Variants in DCBLD2 observed in about 807,000 individuals in gnomAD.
DCBLD2 encodes discoidin, CUB and LCCL domain-containing protein 2.
In DCBLD2, 54 loss-of-function variants were observed where a neutral mutation model predicts 86.8. The ratio of observed to expected loss-of-function variants is 0.62; its 90% confidence interval spans 0.50 to 0.78. The LOEUF is 0.78. DCBLD2 is among the 30% of genes least tolerant of loss of function. DCBLD2 has a pLI of 0.00. For missense variants in DCBLD2, 908 were observed against 954.2 expected (o/e 0.95, Z 0.64); for synonymous variants, 354 against 341.3 (o/e 1.04, Z -0.41).
intron 2 of DCBLD2, among the ~76,000 whole-genome samples, chr3:98,861,863 A>T (rs1943050178): frequency 6.6e-6 from 1 of 152,214 alleles, no homozygotes; most frequent in Non-Finnish European, 1.5e-5. Context: ...GAAGGCAAGA[A>T]ATAACTAAGA....
At chr3:98,829,212 G>A (rs1044230402) in intron 3 of DCBLD2, among the ~76,000 whole-genome samples, 2 of 151,958 alleles carry the variant, frequency 1.3e-5, no homozygotes, top group African/African-American at 4.8e-5. Context: ...TGTTACATAG[G>A]TATACTGCAT....
At position 98,799,515 on chromosome 3, in the gene DCBLD2, G is replaced by T. The variant is rs200981832; in HGVS notation, c.2185C>A (p.Gln729Lys). 112 of 1,613,978 alleles carry T rather than the reference G, an allele frequency of 6.9e-5. No individual in the cohort carries two copies. In the African/African-American group the frequency reaches 1.4e-3, roughly 20 times the overall value. The change falls in exon 16 of 16, where the codon CAG (glutamine) becomes AAG (lysine). Residue 729 changes from glutamine to lysine, a missense_variant. Around this residue, in one of 3 missense-constraint regions of DCBLD2, gnomAD observed 606 missense variants for 678.5 expected, o/e 0.89. Coordinates refer to ENST00000326840, the MANE Select transcript of DCBLD2 (RefSeq NM_080927.4). ...GCTTTCGGGGTATCATACTGGGCCTGGGCTGAGGAGCAGCTGTCAGTCCTG... is the reference window on the plus strand; with the variant it reads ...GCTTTCGGGGTATCATACTGGGCCTTGGCTGAGGAGCAGCTGTCAGTCCTG... ...LSRTDSCSSAQAQYDTPKAGK... is the reference protein window; with the variant it reads ...LSRTDSCSSAKAQYDTPKAGK...
chr3:98,799,968 T>A, intron 15 of DCBLD2, 127 bp from the exon 16 acceptor site: 1 of 737,644 alleles, frequency 1.4e-6, no homozygotes, highest in Non-Finnish European at 2.1e-6. Context: ...CATCAATACT[T>A]AATCTGTAAG....
At chr3:98,897,754 C>T (rs1199169046) in intron 1 of DCBLD2, among the ~76,000 whole-genome samples, 2 of 152,120 alleles carry the variant, frequency 1.3e-5, no homozygotes, top group South Asian at 2.1e-4. Flanking sequence ...TTAATAGGCC[C>T]AAACAAATCA....
chr3:98,885,191 G>A (rs2107525631), intron 1 of DCBLD2, among the ~76,000 whole-genome samples: 1 of 152,142 alleles, frequency 6.6e-6, no homozygotes, highest in East Asian at 1.9e-4. Flanking sequence ...AATATGTGAT[G>A]GAGTTCAGAG....
intron 7 of DCBLD2, 89 bp downstream of exon 7, chr3:98,820,147 CTACGTGAGAAAG>C (rs1048249693): frequency 4.5e-6 from 3 of 666,562 alleles, no homozygotes; most frequent in Non-Finnish European, 2.2e-6. Context: ...ATTAAGACAA[CTACGTGAGAAAG>C]TACAATAAAT....
At chr3:98,864,986 A>G (rs1283397245) in intron 2 of DCBLD2, among the ~76,000 whole-genome samples, 1 of 152,220 alleles carries the variant, frequency 6.6e-6, no homozygotes, top group Non-Finnish European at 1.5e-5. Flanking sequence ...TGTGGAGAAA[A>G]TGGTACACTT....
rs769561927 is a variant in DCBLD2 at position 98,840,172 on chromosome 3, A to G, written c.571+9289T>C. Among the ~76,000 whole-genome samples, 6 of 152,348 alleles carry G rather than the reference A, an allele frequency of 3.9e-5. No individual in the cohort carries two copies. In the East Asian group the frequency reaches 1.2e-3, roughly 29 times the overall value. Reference sequence around the variant, plus strand: ...AGTAGATTGAAGGGGGAAAACAGCAAAAACAAAGGTAAGAAATTTATTGCC... The same window carrying G: ...AGTAGATTGAAGGGGGAAAACAGCAGAAACAAAGGTAAGAAATTTATTGCC... On this transcript the variant is annotated intron_variant, in intron 3 of 15. Transcript: ENST00000326840.
chr3:98,828,191 CAA>C (rs1411507379), intron 3 of DCBLD2, among the ~76,000 whole-genome samples: 1 of 151,962 alleles, frequency 6.6e-6, no homozygotes, highest in Non-Finnish European at 1.5e-5. Context: ...CACAAGAAAA[CAA>C]ATAAAAATAA....
At chr3:98,844,034 G>GCACACACACACACACACACACACACA (rs10574415) in intron 3 of DCBLD2, among the ~76,000 whole-genome samples, 1 of 145,526 alleles carries the variant, frequency 6.9e-6, no homozygotes, top group Non-Finnish European at 1.5e-5. Flanking sequence ...AATCATGCAT[G>GCACACACACACACACACACACACACA]CACACACACA....
intron 2 of DCBLD2, among the ~76,000 whole-genome samples, chr3:98,867,140 T>C (rs1943162719): frequency 1.3e-5 from 2 of 152,256 alleles, no homozygotes. Flanking sequence ...TCAGGTAGCC[T>C]GATGCCTCCC....
chr3:98,810,177 A>G (rs1473040544), intron 12 of DCBLD2, among the ~76,000 whole-genome samples: 1 of 152,194 alleles, frequency 6.6e-6, no homozygotes, highest in African/African-American at 2.4e-5. Flanking sequence ...AACACTTTTC[A>G]GTGACTGATC....
intron 3 of DCBLD2, among the ~76,000 whole-genome samples, chr3:98,837,129 T>C (rs866035863): frequency 1.6e-3 from 2 of 1,238 alleles, no homozygotes; most frequent in African/African-American, 2.1e-3. Flanking sequence ...CCAGACGGGG[T>C]GGCTGGCCGG....
At chr3:98,825,193 A>G (rs1942192947) in intron 4 of DCBLD2, 122 bp downstream of exon 4, 1 of 684,836 alleles carries the variant, frequency 1.5e-6, no homozygotes, top group Non-Finnish European at 2.2e-6. Context: ...GAAGTCTCGG[A>G]ACAATGATAT....
At chr3:98,844,834 G>A (rs918320371) in intron 3 of DCBLD2, among the ~76,000 whole-genome samples, 25 of 152,110 alleles carry the variant, frequency 1.6e-4, no homozygotes, top group African/African-American at 5.3e-4. Context: ...CCACATACAC[G>A]TTCAAATTTT....
intron 12 of DCBLD2, among the ~76,000 whole-genome samples, chr3:98,810,010 C>A (rs1482201560): frequency 1.3e-5 from 2 of 152,160 alleles, no homozygotes; most frequent in Non-Finnish European, 2.9e-5. Context: ...TTATATACTA[C>A]CATCCCCCTA....
At chr3:98,835,005 C>T (rs1242246261) in intron 3 of DCBLD2, among the ~76,000 whole-genome samples, 2 of 148,742 alleles carry the variant, frequency 1.3e-5, no homozygotes, top group African/African-American at 4.9e-5. Flanking sequence ...CAGAGTTTTG[C>T]TCTGTCATCC....
At chr3:98,800,746 A>T in intron 14 of DCBLD2, 30 bp from the exon 15 acceptor site, 1 of 1,613,714 alleles carries the variant, frequency 6.2e-7, no homozygotes, top group Non-Finnish European at 8.5e-7. Context: ...CAAAGAGACC[A>T]TTAAATAAAA....
chr3:98,901,500 T>C lies in DCBLD2; in HGVS notation c.-174A>G, dbSNP rs992042606. 16 of 524,512 alleles carry C rather than the reference T, an allele frequency of 3.1e-5. No homozygotes were observed. The highest frequency in any genetic ancestry group is 4.6e-5 in the Non-Finnish European group (16 of 348,658). 32.5% of individuals were successfully genotyped at this position (524,512 alleles called of 1,614,324 possible). ...TCACCCCGCTTTCACCTACTCCTCCTTCGTCCCTTCCCTCCGCTCCCCGCG... is the reference window on the plus strand; with the variant it reads ...TCACCCCGCTTTCACCTACTCCTCCCTCGTCCCTTCCCTCCGCTCCCCGCG... On this transcript the variant is annotated 5_prime_UTR_variant, in exon 1 of 16. Coordinates refer to ENST00000326840, the MANE Select transcript of DCBLD2 (RefSeq NM_080927.4).
Sources: gnomAD v4.1 joint callset for allele counts (sites outside exome capture counted in the v4.1 genomes callset) on GRCh38, gnomAD v4.1.1 for gene constraint, gnomAD v4.1.1 regional missense constraint, MANE v1.5 for transcripts, NCBI Gene and HGNC (gene_info 2026-07-23, HGNC 2026-07-21) for gene names.